Variants in SPON1 observed in about 807,000 individuals in gnomAD.
SPON1 encodes spondin-1.
Under a neutral mutation model 111.7 loss-of-function variants are expected in SPON1, and 52 were observed. The observed-to-expected ratio is 0.47, with a 90% CI of 0.37 to 0.59. The LOEUF is 0.59. SPON1 is among the 20% of genes least tolerant of loss of function. The pLI is 0.00. For missense variants in SPON1, 957 were observed against 1,068.5 expected (o/e 0.90, Z 1.46); for synonymous variants, 410 against 395.8 (o/e 1.04, Z -0.43).
chr11:14,044,171 G>T (rs1848651823), intron 3 of SPON1, among the ~76,000 whole-genome samples: 1 of 145,578 alleles, frequency 6.9e-6, no homozygotes, highest in Admixed American at 6.9e-5. Context: ...TTTTTTCTCT[G>T]AAGGAATCAT....
rs142904682 is a variant in SPON1 at position 14,068,845 on chromosome 11, T to C, written c.480-6500T>C. ...GTGAGAGTCATTCGGGTATGTTCCATCATAGAGAGTGCCAGAGTTTCTTTA... is the reference window on the plus strand; with the variant it reads ...GTGAGAGTCATTCGGGTATGTTCCACCATAGAGAGTGCCAGAGTTTCTTTA... On this transcript the variant is annotated intron_variant, in intron 3 of 15. Coordinates refer to ENST00000576479, the MANE Select transcript of SPON1 (RefSeq NM_006108.4). Among the ~76,000 whole-genome samples, 242 of 152,316 alleles carry C rather than the reference T, an allele frequency of 1.6e-3. 4 individuals carry two copies. Among genetic ancestry groups the C allele is most frequent in the African/African-American group, 5.3e-3 (221 of 41,568 alleles).
At chr11:14,017,872 T>C (rs1482671431) in intron 2 of SPON1, among the ~76,000 whole-genome samples, 1 of 152,216 alleles carries the variant, frequency 6.6e-6, no homozygotes, top group African/African-American at 2.4e-5. Context: ...ACTAAGTATT[T>C]TTAGGCCCCT....
At position 14,113,568 on chromosome 11, in the gene SPON1, A is replaced by ATTTTTTTTTTT. The variant is rs782780924; in HGVS notation, c.677-21810_677-21800dup. Among the ~76,000 whole-genome samples the ATTTTTTTTTTT allele has an allele frequency of 9.4e-5, 7 of 74,760 alleles. 1 individual carries two copies. Among genetic ancestry groups the ATTTTTTTTTTT allele is most frequent in the Non-Finnish European group, 1.9e-4 (7 of 37,780 alleles). The allele number at this position is 74,760 out of a possible 152,430, so 49.0% of individuals were successfully genotyped here. ...AAGTCACCTCCTATGTACTTTTTAA[A>ATTTTTTTTTTT]TTTTTTTTTTTTTTTTTTTTTTTTT... On this transcript the variant is annotated intron_variant, in intron 5 of 15. Transcript: ENST00000576479.
chr11:14,160,679 TTA>T (rs1214332844), intron 6 of SPON1, among the ~76,000 whole-genome samples: 1,811 of 10,958 alleles, frequency 0.17, 367 homozygotes, highest in Middle Eastern at 0.3. Context: ...TTACATATAT[TTA>T]TATATATATT....
At chr11:14,253,805 C>G (rs1554940876) in intron 7 of SPON1, among the ~76,000 whole-genome samples, 1 of 152,196 alleles carries the variant, frequency 6.6e-6, no homozygotes, top group Non-Finnish European at 1.5e-5. Flanking sequence ...ATAATTCTAA[C>G]CCCACAGGAT....
chr11:14,263,053 TAAAAA>T (rs34480564), intron 15 of SPON1, 78 bp downstream of exon 15: 124 of 952,118 alleles, frequency 1.3e-4, no homozygotes, highest in Middle Eastern at 3.6e-4. Flanking sequence ...TGGACCTGTT[TAAAAA>T]AAAAAAAAAA....
At chr11:14,083,570 TG>T (rs1439934071) in intron 5 of SPON1, among the ~76,000 whole-genome samples, 2 of 152,352 alleles carry the variant, frequency 1.3e-5, no homozygotes, top group African/African-American at 4.8e-5. Context: ...TGCATGGTTT[TG>T]TAACATCTTA....
chr11:14,088,801 C>A (rs1398725645), intron 5 of SPON1, among the ~76,000 whole-genome samples: 4 of 152,012 alleles, frequency 2.6e-5, no homozygotes, highest in Non-Finnish European at 4.4e-5. Context: ...TTCATATACT[C>A]CCATATTTCT....
At chr11:14,071,383 T>C (rs1452286659) in intron 3 of SPON1, among the ~76,000 whole-genome samples, 1 of 152,056 alleles carries the variant, frequency 6.6e-6, no homozygotes, top group Non-Finnish European at 1.5e-5. Context: ...CTCTGCACGC[T>C]TTCCCTGGGT....
chr11:14,229,629 T>C (rs1848774288), intron 6 of SPON1, among the ~76,000 whole-genome samples: 1 of 152,188 alleles, frequency 6.6e-6, no homozygotes, highest in Admixed American at 6.5e-5. Context: ...ACAAGGGCAG[T>C]CTGTCTGGTC....
chr11:14,244,712 A>G (rs1391870234), intron 7 of SPON1, among the ~76,000 whole-genome samples: 2 of 152,138 alleles, frequency 1.3e-5, no homozygotes, highest in African/African-American at 2.4e-5. Flanking sequence ...GCACCACTGC[A>G]CTCCAGCCTA....
intron 5 of SPON1, among the ~76,000 whole-genome samples, chr11:14,110,802 C>G (rs112028590): frequency 0.02 from 2,993 of 152,326 alleles, 97 homozygotes; most frequent in African/African-American, 0.068. Context: ...TGGCAACACC[C>G]TCACAGACAC....
intron 3 of SPON1, among the ~76,000 whole-genome samples, chr11:14,067,184 AC>A (rs1848839490): frequency 6.6e-6 from 1 of 151,808 alleles, no homozygotes; most frequent in African/African-American, 2.4e-5. Flanking sequence ...CTCAAAAAAA[AC>A]AAAACAACAA....
chr11:14,190,878 A>T (rs1199202210), intron 6 of SPON1, among the ~76,000 whole-genome samples: 2 of 151,672 alleles, frequency 1.3e-5, no homozygotes, highest in Non-Finnish European at 2.9e-5. Context: ...TGACCTCATG[A>T]TCTACCCACC....
At chr11:14,173,378 C>T (rs1395900816) in intron 6 of SPON1, among the ~76,000 whole-genome samples, 1 of 152,154 alleles carries the variant, frequency 6.6e-6, no homozygotes, top group Non-Finnish European at 1.5e-5. Flanking sequence ...ATTGGTTATT[C>T]TAGTTAGCCA....
chr11:13,982,124 G>A (rs530854411), intron 1 of SPON1, among the ~76,000 whole-genome samples: 36 of 152,196 alleles, frequency 2.4e-4, no homozygotes, highest in Middle Eastern at 3.4e-3. Flanking sequence ...ATTAGTTATT[G>A]TTGATTTCCT....
At chr11:13,965,368 G>A (rs549616462) in intron 1 of SPON1, among the ~76,000 whole-genome samples, 6 of 152,302 alleles carry the variant, frequency 3.9e-5, no homozygotes, top group Admixed American at 2.0e-4. Flanking sequence ...TGTACCCAGC[G>A]TCTCTTTTCA....
At chr11:14,044,121 A>G (rs1185601653) in intron 3 of SPON1, among the ~76,000 whole-genome samples, 4 of 152,152 alleles carry the variant, frequency 2.6e-5, no homozygotes, top group African/African-American at 9.7e-5. Context: ...TCATGAATCC[A>G]TGTAATATTA....
chr11:14,215,158 C>T (rs1465145276), intron 6 of SPON1, among the ~76,000 whole-genome samples: 2 of 152,092 alleles, frequency 1.3e-5, no homozygotes, highest in Non-Finnish European at 2.9e-5. Context: ...TGGGCTAAAG[C>T]AGTCCTCCCA....
Sources: gnomAD v4.1 joint callset for allele counts (sites outside exome capture counted in the v4.1 genomes callset) on GRCh38, gnomAD v4.1.1 for gene constraint, MANE v1.5 for transcripts, NCBI Gene and HGNC (gene_info 2026-07-23, HGNC 2026-07-21) for gene names.